Variants in TTBK2 observed in about 807,000 individuals in gnomAD.
The protein encoded by TTBK2 is tau-tubulin kinase 2.
A neutral mutation model predicts 110.8 loss-of-function variants in TTBK2; 28 were observed. The observed-to-expected ratio is 0.25, with a 90% confidence interval of 0.19 to 0.35. The LOEUF (loss-of-function observed/expected upper bound fraction) is 0.35. TTBK2 is among the 10% of genes least tolerant of loss of function. The pLI is 1.00. For synonymous variants in TTBK2, 532 were observed against 527.3 expected, an observed-to-expected ratio of 1.01 and a Z score of -0.12; for missense variants, 1,369 against 1,500.3, an observed-to-expected ratio of 0.91 and a Z score of 1.45.
intron 3 of TTBK2, among the ~76,000 whole-genome samples, chr15:42,856,590 A>G (rs1567062462): frequency 2.0e-5 from 3 of 152,204 alleles, no homozygotes; most frequent in Non-Finnish European, 4.4e-5. Context: ...TAGGTTTTCA[A>G]TACCACTGTG....
At chr15:42,828,272 C>T (rs1400837222) in intron 5 of TTBK2, among the ~76,000 whole-genome samples, 1 of 151,450 alleles carries the variant, frequency 6.6e-6, no homozygotes, top group African/African-American at 2.4e-5. Flanking sequence ...AGGTTACACA[C>T]AAGACAACAT....
intron 10 of TTBK2, among the ~76,000 whole-genome samples, chr15:42,794,202 G>A (rs188138489): frequency 2.3e-4 from 35 of 151,914 alleles, no homozygotes; most frequent in Admixed American, 4.6e-4. Flanking sequence ...CTAAGATCAC[G>A]GAAATAGATC....
At chr15:42,763,192 ATTTTTTTTTTTTTTTTTTTTT>A (rs1183545103) in intron 13 of TTBK2, among the ~76,000 whole-genome samples, 4 of 13,384 alleles carry the variant, frequency 3.0e-4, no homozygotes, top group African/African-American at 3.8e-4. Context: ...ATATATATAT[ATTTTTTTTTTTTTTTTTTTTT>A]TTTTTTTTTT....
chr15:42,918,275 T>C (rs2031190500), intron 1 of TTBK2, among the ~76,000 whole-genome samples: 1 of 152,036 alleles, frequency 6.6e-6, no homozygotes, highest in Admixed American at 6.6e-5. Context: ...CTGTGTTACT[T>C]AGGCTGGTCT....
At position 42,739,027 on chromosome 15, in the gene TTBK2, A is replaced by G. The variant is rs2061733782; in HGVS notation, c.*6768T>C. On this transcript the variant is annotated 3_prime_UTR_variant, in exon 15 of 15. Transcript: ENST00000267890. Reference sequence around the variant, plus strand: ...CTAGGTTATAAAAATAAAATACAAAATAATTTTAAAACAGAACTTAAAACA... The same window carrying G: ...CTAGGTTATAAAAATAAAATACAAAGTAATTTTAAAACAGAACTTAAAACA... The G allele has an allele frequency of 6.6e-6, 1 of 152,274 alleles. No individual in the cohort carries two copies. Among genetic ancestry groups the G allele is most frequent in the Non-Finnish European group, 1.5e-5 (1 of 68,046 alleles). The allele number at this position is 152,274 out of a possible 1,614,324, so 9.4% of individuals were successfully genotyped here.
At chr15:42,911,057 A>T (rs2030724161) in intron 1 of TTBK2, among the ~76,000 whole-genome samples, 2 of 152,082 alleles carry the variant, frequency 1.3e-5, no homozygotes, top group South Asian at 4.1e-4. Flanking sequence ...AAAAAAAAAA[A>T]AACGGTGAAA....
At chr15:42,861,780 T>C (rs974527434) in intron 3 of TTBK2, among the ~76,000 whole-genome samples, 1 of 151,876 alleles carries the variant, frequency 6.6e-6, no homozygotes, top group Non-Finnish European at 1.5e-5. Context: ...CAAAAATCCA[T>C]ACAAATGATC....
intron 1 of TTBK2, among the ~76,000 whole-genome samples, chr15:42,899,689 G>C (rs1338274858): frequency 1.3e-5 from 2 of 151,548 alleles, no homozygotes; most frequent in Non-Finnish European, 2.9e-5. Context: ...GCAGTGAGCT[G>C]AGATCTGCCA....
At chr15:42,834,164 C>T (rs1187342925) in intron 4 of TTBK2, among the ~76,000 whole-genome samples, 1 of 134,430 alleles carries the variant, frequency 7.4e-6, no homozygotes, top group Non-Finnish European at 1.5e-5. Context: ...TGTGCTCCAA[C>T]CAGAGCAAGA....
At chr15:42,787,145 C>T (rs909932976) in intron 10 of TTBK2, among the ~76,000 whole-genome samples, 10 of 151,854 alleles carry the variant, frequency 6.6e-5, no homozygotes, top group African/African-American at 2.4e-4. Context: ...TTTTAATAGA[C>T]TTATTGGAAC....
At chr15:42,883,303 G>C (rs1359304290) in intron 1 of TTBK2, among the ~76,000 whole-genome samples, 1 of 150,420 alleles carries the variant, frequency 6.6e-6, no homozygotes, top group Admixed American at 6.7e-5. Flanking sequence ...ATTGAACCCA[G>C]AAGGTGGAGG....
At chr15:42,783,734 T>C in intron 10 of TTBK2, 99 bp from the exon 11 acceptor site, 1 of 915,716 alleles carries the variant, frequency 1.1e-6, no homozygotes, top group East Asian at 2.6e-5. Flanking sequence ...CCACACATAA[T>C]TAAGAGAGTT....
At chr15:42,749,450 C>G (rs998132434) in intron 14 of TTBK2, among the ~76,000 whole-genome samples, 6 of 152,196 alleles carry the variant, frequency 3.9e-5, no homozygotes, top group African/African-American at 1.4e-4. Flanking sequence ...TTAACAGCTA[C>G]CCATCCCCCA....
intron 1 of TTBK2, among the ~76,000 whole-genome samples, chr15:42,915,543 T>G (rs565549275): frequency 8.5e-5 from 13 of 152,238 alleles, no homozygotes; most frequent in Non-Finnish European, 1.6e-4. Flanking sequence ...AGGTACTATC[T>G]GAGGTTTCAG....
chr15:42,834,635 C>T (rs752006696), intron 4 of TTBK2, among the ~76,000 whole-genome samples: 16 of 152,120 alleles, frequency 1.1e-4, no homozygotes, highest in Admixed American at 9.2e-4. Context: ...TTAAAAAAAC[C>T]GTAGGCCAGG....
At chr15:42,791,211 G>T (rs1890666158) in intron 10 of TTBK2, among the ~76,000 whole-genome samples, 1 of 151,998 alleles carries the variant, frequency 6.6e-6, no homozygotes, top group Admixed American at 6.6e-5. Context: ...GTAGAAACGG[G>T]GTTTCACCAT....
At chr15:42,888,200 C>T (rs1895318535) in intron 1 of TTBK2, among the ~76,000 whole-genome samples, 1 of 152,100 alleles carries the variant, frequency 6.6e-6, no homozygotes, top group Admixed American at 6.6e-5. Flanking sequence ...CTACAGTTCT[C>T]ATAACTTCCA....
In TTBK2 at chr15:42,914,360, T is replaced by C. The variant is rs553648313; in HGVS notation, c.-68+6078A>G. 5.9e-5 allele frequency among the ~76,000 whole-genome samples: 9 copies of C among 152,290 alleles called. No homozygotes were observed. The South Asian group carries it at 1.0e-3, about 18-fold the overall frequency. ...TAATATATTATATCCTAATCACTTG[T>C]ACATTTAATGAATCACCGATAAGCT... On this transcript the variant is annotated intron_variant, in intron 1 of 14. Transcript: ENST00000267890.
intron 1 of TTBK2, among the ~76,000 whole-genome samples, chr15:42,900,497 T>C (rs2029926046): frequency 6.6e-6 from 1 of 152,052 alleles, no homozygotes; most frequent in Admixed American, 6.6e-5. Context: ...CACAGGCCGA[T>C]CACTTGAGGT....
Sources: gnomAD v4.1 joint callset for allele counts (sites outside exome capture counted in the v4.1 genomes callset) on GRCh38, gnomAD v4.1.1 for gene constraint, MANE v1.5 for transcripts, NCBI Gene and HGNC (gene_info 2026-07-23, HGNC 2026-07-21) for gene names.